DYSF: variants seen among roughly 807,000 people sequenced by gnomAD.
DYSF encodes dystrophy-associated fer-1-like 1.
DYSF carries 212 observed loss-of-function variants against 274.9 expected under a neutral mutation model. The ratio of observed to expected loss-of-function variants is 0.77; its 90% CI spans 0.69 to 0.86. DYSF has a LOEUF of 0.86. DYSF is among the 40% of genes least tolerant of loss of function. The pLI, the probability that DYSF is intolerant of heterozygous loss-of-function variation, is 0.00. For missense variants in DYSF, 2,666 were observed against 2,783.2 expected (o/e 0.96, Z 0.95); for synonymous variants, 1,091 against 1,078.7 (o/e 1.01, Z -0.22).
intron 3 of DYSF, among the ~76,000 whole-genome samples, chr2:71,493,116 T>C (rs949846319): frequency 6.6e-6 from 1 of 152,158 alleles, no homozygotes; most frequent in Non-Finnish European, 1.5e-5. Flanking sequence ...CTTGAACTCC[T>C]AGGATCAAGG....
intron 32 of DYSF, among the ~76,000 whole-genome samples, chr2:71,596,133 C>T (rs2093401792): frequency 6.6e-6 from 1 of 151,182 alleles, no homozygotes; most frequent in African/African-American, 2.4e-5. Context: ...TGTGTTTTTT[C>T]CTCCCATGGG....
chr2:71,628,610 A>G (rs1179562863), intron 41 of DYSF, among the ~76,000 whole-genome samples: 2 of 152,068 alleles, frequency 1.3e-5, no homozygotes, highest in African/African-American at 4.8e-5. Flanking sequence ...CCATTGTGCT[A>G]TTGTTTTCAC....
intron 3 of DYSF, among the ~76,000 whole-genome samples, chr2:71,496,614 G>C (rs569424187): frequency 1.1e-4 from 17 of 152,192 alleles, no homozygotes; most frequent in Admixed American, 4.6e-4. Context: ...TTAGGACAGG[G>C]GAATGTGGGC....
intron 4 of DYSF, among the ~76,000 whole-genome samples, chr2:71,509,849 C>A (rs2085894203): frequency 6.6e-6 from 1 of 152,110 alleles, no homozygotes; most frequent in South Asian, 2.1e-4. Context: ...GTGATCGACT[C>A]ATTGCGACCT....
chr2:71,513,670 G>A (rs1006879763), intron 6 of DYSF, 46 bp from the exon 7 acceptor site: 2 of 1,600,408 alleles, frequency 1.2e-6, no homozygotes, highest in East Asian at 4.5e-5. Context: ...AGGGGCAGGG[G>A]CAGGGCCAGA....
intron 41 of DYSF, among the ~76,000 whole-genome samples, chr2:71,631,622 G>T (rs1236006808): frequency 6.6e-6 from 1 of 152,184 alleles, no homozygotes; most frequent in Admixed American, 6.5e-5. Context: ...GGGGAGGCGA[G>T]GGGAGGGAAT....
intron 29 of DYSF, among the ~76,000 whole-genome samples, chr2:71,572,541 C>T (rs2092554232): frequency 6.6e-6 from 1 of 152,276 alleles, no homozygotes; most frequent in African/African-American, 2.4e-5. Flanking sequence ...ATTATTGGGG[C>T]AGTGCCCTCG....
At chr2:71,668,118 G>C (rs1161254480) in intron 48 of DYSF, among the ~76,000 whole-genome samples, 1 of 152,094 alleles carries the variant, frequency 6.6e-6, no homozygotes, top group Non-Finnish European at 1.5e-5. Context: ...TAGGCAAAGA[G>C]AAAGGCCAAA....
At chr2:71,618,366 AGGTGGCATGTGTGGTAGAGGT>A (rs2093979299) in intron 40 of DYSF, among the ~76,000 whole-genome samples, 1 of 1,762 alleles carries the variant, frequency 5.7e-4, no homozygotes, top group African/African-American at 2.6e-3. Flanking sequence ...TGTGTGGTAG[AGGTGGCATGTGTGGTAGAGGT>A]GGTGTGTGTG....
intron 3 of DYSF, among the ~76,000 whole-genome samples, chr2:71,483,298 C>T (rs2083086002): frequency 6.6e-6 from 1 of 152,202 alleles, no homozygotes; most frequent in Admixed American, 6.5e-5. Flanking sequence ...TTTCAGCTAC[C>T]TTCCAACGCA....
At chr2:71,528,027 C>T (rs1434811040) in intron 13 of DYSF, among the ~76,000 whole-genome samples, 1 of 152,170 alleles carries the variant, frequency 6.6e-6, no homozygotes, top group Non-Finnish European at 1.5e-5. Context: ...ATTAGTCAGG[C>T]AGGTAGATTT....
At position 71,568,065 on chromosome 2, in the gene DYSF, T is replaced by C; in HGVS notation, c.2680T>C (p.Ser894Pro). 6.2e-7 allele frequency: 1 copy of C among 1,614,180 alleles called. No homozygotes were observed. The highest frequency in any genetic ancestry group is 8.5e-7 in the Non-Finnish European group (1 of 1,180,016). The change falls in exon 25 of 56, where the codon TCT becomes CCT. Residue 894 changes from serine to proline, a missense_variant. Coordinates refer to ENST00000410020, the MANE Select transcript of DYSF (RefSeq NM_001130987.2). ...CAACCAGTTTGCTGAGGGGAAGCTG[T>C]CTGTCTTTGCTGAAACCGTGAGTAC... ...EFNQFAEGKL[S>P]VFAETYENET...
At chr2:71,618,655 AGAG>A (rs1205771500) in intron 40 of DYSF, among the ~76,000 whole-genome samples, 35 of 49,278 alleles carry the variant, frequency 7.1e-4, no homozygotes, top group African/African-American at 2.5e-3. Flanking sequence ...TGTGTGTGGC[AGAG>A]GAGGTGTGTG....
intron 52 of DYSF, among the ~76,000 whole-genome samples, chr2:71,675,396 C>A (rs966904602): frequency 5.3e-5 from 8 of 152,218 alleles, no homozygotes; most frequent in African/African-American, 1.7e-4. Context: ...TAGATCCATT[C>A]TGCCACTTGG....
chr2:71,682,821 C>T (rs2152972362), intron 55 of DYSF, 144 bp downstream of exon 55: 1 of 1,231,050 alleles, frequency 8.1e-7, no homozygotes, highest in East Asian at 2.5e-5. Flanking sequence ...GGATACAGAG[C>T]CCAGCTCTGG....
Position 71,561,908 on chromosome 2 carries a change from G to A in DYSF, c.2373G>A (p.Glu791=). The change falls in exon 23 of 56, where the codon GAG becomes GAA. Residue 791 remains glutamate (E), a synonymous_variant. Transcript: ENST00000410020. The part of the protein sequence containing the change: ...SELPAALEQA[E]DWLLRLRALA... ...TCCCTGCAGCTCTGGAGCAGGCGGA[G>A]GACTGGCTCCTGCGTCTGCGTGCCC... The A allele has an allele frequency of 6.2e-7, 1 of 1,614,160 alleles. No homozygotes were observed. Among genetic ancestry groups the A allele is most frequent in the Non-Finnish European group, 8.5e-7 (1 of 1,180,024 alleles).
intron 3 of DYSF, among the ~76,000 whole-genome samples, chr2:71,502,940 G>A (rs2085133537): frequency 6.6e-6 from 1 of 152,150 alleles, no homozygotes; most frequent in African/African-American, 2.4e-5. Flanking sequence ...TGGGCCTCTG[G>A]GGAGGGGCAG....
chr2:71,635,189 A>C (rs1052247169), intron 41 of DYSF, among the ~76,000 whole-genome samples: 5 of 152,142 alleles, frequency 3.3e-5, no homozygotes, highest in African/African-American at 1.2e-4. Flanking sequence ...AGAAACCATC[A>C]CAAGTCTCTA....
chr2:71,459,432 G>A (rs1361174736), intron 1 of DYSF, among the ~76,000 whole-genome samples: 3 of 152,152 alleles, frequency 2.0e-5, no homozygotes, highest in South Asian at 2.1e-4. Context: ...TTCCAGAAAC[G>A]TGGCAGGTGG....
Sources: gnomAD v4.1 joint callset for allele counts (sites outside exome capture counted in the v4.1 genomes callset) on GRCh38, gnomAD v4.1.1 for gene constraint, MANE v1.5 for transcripts, NCBI Gene and HGNC (gene_info 2026-07-23, HGNC 2026-07-21) for gene names.